RFX4: variants seen among roughly 807,000 people sequenced by gnomAD.
The protein encoded by RFX4 is transcription factor RFX4.
RFX4 carries 10 observed loss-of-function variants against 95.0 expected under a neutral mutation model. That is an observed-to-expected ratio of 0.11 (90% CI 0.06 to 0.18). The LOEUF (loss-of-function observed/expected upper bound fraction) is 0.18. Ranked by LOEUF, RFX4 falls within the 10% of genes least tolerant of loss-of-function variation. The pLI is 1.00. For synonymous variants in RFX4, 321 were observed against 340.7 expected (o/e 0.94, Z 0.64); for missense variants, 640 against 922.0 (o/e 0.69, Z 3.96).
intron 2 of RFX4, among the ~76,000 whole-genome samples, chr12:106,614,279 G>C (rs1361669712): frequency 2.6e-5 from 4 of 151,892 alleles, no homozygotes; most frequent in East Asian, 3.9e-4. Flanking sequence ...TTCTGCCTCA[G>C]CCTCCCAAGT....
In RFX4 at chr12:106,600,993, C is replaced by T. The variant is rs545036610; in HGVS notation, c.44-7804C>T. Reference sequence around the variant, plus strand: ...AGCTCTCTGAGAGCAGAGACCTTGTCTGCCATGTTGATCACTAGCTGCTCA... The same window carrying T: ...AGCTCTCTGAGAGCAGAGACCTTGTTTGCCATGTTGATCACTAGCTGCTCA... On this transcript the variant is annotated intron_variant, in intron 1 of 17. Coordinates refer to ENST00000392842, the MANE Select transcript of RFX4 (RefSeq NM_213594.3). 1.3e-5 allele frequency: 6 copies of T among 460,350 alleles called. No homozygotes were observed. In the East Asian group the frequency reaches 2.7e-4, roughly 21 times the overall value. 28.5% of individuals were successfully genotyped at this position (460,350 alleles called of 1,614,324 possible).
intron 17 of RFX4, among the ~76,000 whole-genome samples, chr12:106,759,993 A>G (rs2043181223): frequency 6.6e-6 from 1 of 151,508 alleles, no homozygotes. Flanking sequence ...AGCCACCTAG[A>G]CTCCAGGGAG....
Position 106,720,946 on chromosome 12 carries a change from C to A in RFX4, c.1351+70C>A. On this transcript the variant is annotated intron_variant, in intron 13 of 17. Transcript: ENST00000392842. This position sits in a 1 kb window ranked among gnomAD's most constrained non-coding sequence, Gnocchi z 4.2. ...TGGGCACGGAGCCCAGAGGAATCTA[C>A]CACAGTCTAACTTGCTGTTTCTGCA... The A allele has an allele frequency of 7.5e-7, 1 of 1,338,072 alleles. No homozygotes were observed. The highest frequency in any genetic ancestry group is 1.1e-6 in the Non-Finnish European group (1 of 933,134). 82.9% of individuals were successfully genotyped at this position (1,338,072 alleles called of 1,614,324 possible).
chr12:106,644,216 T>C (rs1019696778), intron 3 of RFX4, among the ~76,000 whole-genome samples: 1 of 151,672 alleles, frequency 6.6e-6, no homozygotes, highest in Middle Eastern at 3.4e-3. Flanking sequence ...GCAGAATTAA[T>C]GTTGCCATTT....
chr12:106,637,697 T>C lies in RFX4; in HGVS notation c.131-1635T>C, dbSNP rs551131622. On this transcript the variant is annotated intron_variant, in intron 2 of 17. Coordinates refer to ENST00000392842, the MANE Select transcript of RFX4 (RefSeq NM_213594.3). ...TAGGAATTGGATAAGAGACTGATTATATGTATTTCTCAGTAAATCCATGAT... is the reference window on the plus strand; with the variant it reads ...TAGGAATTGGATAAGAGACTGATTACATGTATTTCTCAGTAAATCCATGAT... Among the ~76,000 whole-genome samples, 11 of 152,314 alleles carry C rather than the reference T, an allele frequency of 7.2e-5. No individual in the cohort carries two copies. In the East Asian group the frequency reaches 1.9e-3, roughly 27 times the overall value.
chr12:106,675,348 T>C (rs928919371), intron 4 of RFX4, among the ~76,000 whole-genome samples: 2 of 152,140 alleles, frequency 1.3e-5, no homozygotes, highest in African/African-American at 4.8e-5. Flanking sequence ...CAAGAATCAC[T>C]TGAACCCAGG....
At chr12:106,699,516 C>T (rs2041946092) in intron 8 of RFX4, among the ~76,000 whole-genome samples, 3 of 152,144 alleles carry the variant, frequency 2.0e-5, no homozygotes. Context: ...ACCTCCAGCT[C>T]TAATTGTGAA....
At chr12:106,645,841 G>T in intron 3 of RFX4, 1 of 1,181,736 alleles carries the variant, frequency 8.5e-7, no homozygotes, top group Non-Finnish European at 1.1e-6. Flanking sequence ...AAGGGAGGCT[G>T]AACACTTTTA....
intron 15 of RFX4, among the ~76,000 whole-genome samples, chr12:106,743,261 G>C (rs2042836793): frequency 6.6e-6 from 1 of 152,188 alleles, no homozygotes; most frequent in Non-Finnish European, 1.5e-5. Context: ...AAAAGCATTA[G>C]AATTGTCTTA....
intron 1 of RFX4, among the ~76,000 whole-genome samples, chr12:106,591,002 TA>T (rs918866627): frequency 7.3e-5 from 11 of 151,706 alleles, no homozygotes; most frequent in South Asian, 2.1e-4. Context: ...AAAGAAAAAT[TA>T]AAAAAAGAAA....
chr12:106,760,434 C>A (rs936767638), intron 17 of RFX4, among the ~76,000 whole-genome samples: 8 of 152,266 alleles, frequency 5.3e-5, no homozygotes, highest in Middle Eastern at 3.4e-3. Flanking sequence ...TTCCCCTCTT[C>A]TTGTAGCTAC....
At chr12:106,654,473 T>C in intron 4 of RFX4, 122 bp downstream of exon 4, 1 of 1,132,546 alleles carries the variant, frequency 8.8e-7, no homozygotes, top group Non-Finnish European at 1.2e-6. Flanking sequence ...ACTTTGGTAC[T>C]TTGACAACTT....
chr12:106,658,450 A>G (rs2041005130), intron 4 of RFX4, among the ~76,000 whole-genome samples: 2 of 152,188 alleles, frequency 1.3e-5, no homozygotes, highest in Non-Finnish European at 2.9e-5. Context: ...ATTACAGCTC[A>G]TTCTCAGCTA....
intron 1 of RFX4, among the ~76,000 whole-genome samples, chr12:106,607,402 C>T (rs941977998): frequency 4.6e-5 from 7 of 152,074 alleles, no homozygotes; most frequent in Non-Finnish European, 7.4e-5. Flanking sequence ...TGGAAAAGAC[C>T]TGAAGATTGC....
chr12:106,592,502 A>G (rs2039562426), intron 1 of RFX4, among the ~76,000 whole-genome samples: 1 of 152,188 alleles, frequency 6.6e-6, no homozygotes, highest in Non-Finnish European at 1.5e-5. Context: ...TGGTGTACTC[A>G]GAGACGACGT....
chr12:106,586,344 T>A lies in RFX4; in HGVS notation c.43+2981T>A, dbSNP rs2039458223. 6.6e-6 allele frequency among the ~76,000 whole-genome samples: 1 copy of A among 151,350 alleles called. No homozygotes were observed. ...CCCACGCGGGCCACCGGCAGCTACG[T>A]GTTTGTGGCCGCCGGGTCCAATCAG... On this transcript the variant is annotated intron_variant, in intron 1 of 17. Transcript: ENST00000392842. The surrounding 1 kb of genome is among the most constrained non-coding windows in gnomAD (Gnocchi z 5.6).
At chr12:106,660,282 G>A (rs1294159630) in intron 4 of RFX4, among the ~76,000 whole-genome samples, 1 of 151,912 alleles carries the variant, frequency 6.6e-6, no homozygotes, top group African/African-American at 2.4e-5. Flanking sequence ...AAGATTGGAA[G>A]GGCACAGGAT....
At position 106,643,075 on chromosome 12, in the gene RFX4, A is replaced by G. The variant is rs151045601; in HGVS notation, c.191+3683A>G. On this transcript the variant is annotated intron_variant, in intron 3 of 17. Coordinates refer to ENST00000392842, the MANE Select transcript of RFX4 (RefSeq NM_213594.3). The stretch of plus-strand genomic sequence containing the variant: ...AGTTAAAAATGATCTGAATCAAAGC[A>G]ACGGATCCAGACCTTTATCCCCCAA... 4.6e-3 allele frequency among the ~76,000 whole-genome samples: 693 copies of G among 152,290 alleles called. 3 individuals carry two copies. The highest frequency in any genetic ancestry group is 0.016 in the African/African-American group (670 of 41,566).
rs2041731498 is a variant in RFX4 at position 106,689,301 on chromosome 12, T to C, written c.606T>C (p.Ile202=). The C allele has an allele frequency of 5.0e-6, 8 of 1,613,482 alleles. No homozygotes were observed. Among genetic ancestry groups the C allele is most frequent in the Non-Finnish European group, 6.8e-6 (8 of 1,179,386 alleles). The change falls in exon 7 of 18, where the codon ATT becomes ATC. Residue 202 remains isoleucine (I), a synonymous_variant. Transcript: ENST00000392842. ...SLPEEKVSTF[I]MMYRTHCQRI... is the part of the protein sequence containing the mutation. ...CACCCCCACAGGTTTCTACCTTTAT[T>C]ATGATGTACAGAACACACTGTCAGA...
Sources: allele counts gnomAD v4.1 joint callset (sites outside exome capture counted in the v4.1 genomes callset), GRCh38; gene constraint gnomAD v4.1.1; non-coding constraint Gnocchi (gnomAD v3.1); transcripts MANE v1.5; gene names NCBI Gene and HGNC (gene_info 2026-07-23, HGNC 2026-07-21).